Variants in DLC1 observed in about 807,000 individuals in gnomAD.
DLC1 encodes DLC1 Rho GTPase activating protein.
Under a neutral mutation model 140.3 loss-of-function variants are expected in DLC1, and 54 were observed. The observed-to-expected ratio is 0.38, with a 90% CI of 0.31 to 0.48. DLC1 has a LOEUF of 0.48. Among genes scored for constraint, DLC1 ranks in the 20% least tolerant of loss-of-function variants. The pLI is 0.96. For missense variants in DLC1, 2,536 were observed against 1,907.0 expected (o/e 1.33, Z -6.14); for synonymous variants, 986 against 728.1 (o/e 1.35, Z -5.70).
chr8:13,330,425 A>G (rs907101976), intron 4 of DLC1, among the ~76,000 whole-genome samples: 2 of 152,200 alleles, frequency 1.3e-5, no homozygotes, highest in Admixed American at 1.3e-4. Flanking sequence ...GACTGAACAC[A>G]AAGGTCTACC....
chr8:13,349,657 A>G (rs765678755), intron 4 of DLC1, among the ~76,000 whole-genome samples: 4 of 152,218 alleles, frequency 2.6e-5, no homozygotes, highest in African/African-American at 4.8e-5. Flanking sequence ...CTCACCAGGT[A>G]TATAAGGAAA....
intron 5 of DLC1, among the ~76,000 whole-genome samples, chr8:13,157,497 T>A (rs1440836383): frequency 1.3e-5 from 2 of 152,180 alleles, no homozygotes; most frequent in African/African-American, 4.8e-5. Context: ...TAATTTAGCA[T>A]TTGAAAAATA....
At chr8:13,448,451 C>T (rs778050718) in intron 2 of DLC1, among the ~76,000 whole-genome samples, 53 of 151,848 alleles carry the variant, frequency 3.5e-4, no homozygotes, top group Non-Finnish European at 6.0e-4. Context: ...GCAACCTCCA[C>T]CTCCTGGTTC....
intron 5 of DLC1, among the ~76,000 whole-genome samples, chr8:13,244,696 C>T (rs150726177): frequency 4.9e-4 from 74 of 152,216 alleles, no homozygotes; most frequent in African/African-American, 1.7e-3. Flanking sequence ...AATCTCTTCC[C>T]TACGTTTCTT....
chr8:13,361,034 C>T (rs1315193074), intron 4 of DLC1, among the ~76,000 whole-genome samples: 1 of 152,024 alleles, frequency 6.6e-6, no homozygotes, highest in African/African-American at 2.4e-5. Context: ...AGTTCAAGTC[C>T]AGCTTGGGCA....
chr8:13,363,549 G>A (rs528296551), intron 4 of DLC1, among the ~76,000 whole-genome samples: 1 of 152,150 alleles, frequency 6.6e-6, no homozygotes, highest in African/African-American at 2.4e-5. Flanking sequence ...CTATTACACA[G>A]AAGGCATGAG....
At chr8:13,103,355 TAA>T (rs1563604144) in intron 7 of DLC1, among the ~76,000 whole-genome samples, 2 of 151,036 alleles carry the variant, frequency 1.3e-5, no homozygotes, top group African/African-American at 4.9e-5. Flanking sequence ...AATAAATAAA[TAA>T]ATACCTTTAT....
intron 5 of DLC1, among the ~76,000 whole-genome samples, chr8:13,138,758 C>A (rs1822751568): frequency 6.6e-6 from 1 of 152,210 alleles, no homozygotes; most frequent in Admixed American, 6.5e-5. Context: ...TACCCCCACT[C>A]TCTACCCTAC....
chr8:13,158,775 T>TC lies in DLC1; in HGVS notation c.1349-43119dup, dbSNP rs1413194802. On this transcript the variant is annotated intron_variant, in intron 5 of 17. Coordinates refer to ENST00000276297, the MANE Select transcript of DLC1 (RefSeq NM_182643.3). ...CCGCCACACATCTCTCCTCTTTTTT[T>TC]CCTCTGTCTTATTTTTCTTTGACAC... Among the ~76,000 whole-genome samples, 10 of 125,484 alleles carry TC rather than the reference T, an allele frequency of 8.0e-5. 1 individual carries two copies. The highest frequency in any genetic ancestry group is 3.0e-4 in the African/African-American group (10 of 33,872). The allele number at this position is 125,484 out of a possible 152,430, so 82.3% of individuals were successfully genotyped here.
intron 1 of DLC1, among the ~76,000 whole-genome samples, chr8:13,597,304 C>T (rs1321606003): frequency 6.6e-6 from 1 of 152,014 alleles, no homozygotes; most frequent in Admixed American, 6.6e-5. Context: ...AGAAGAATGA[C>T]AGAAGACGTG....
intron 2 of DLC1, among the ~76,000 whole-genome samples, chr8:13,471,513 G>A (rs1304065432): frequency 1.4e-5 from 2 of 141,876 alleles, no homozygotes; most frequent in African/African-American, 2.6e-5. Context: ...AAGGAGGGAG[G>A]GAAAGGAGGG....
chr8:13,166,143 C>T (rs1377753060), intron 5 of DLC1, among the ~76,000 whole-genome samples: 1 of 152,238 alleles, frequency 6.6e-6, no homozygotes, highest in East Asian at 1.9e-4. Flanking sequence ...AGAACCCTGG[C>T]ATCTTTTTTG....
At chr8:13,299,977 G>A in intron 5 of DLC1, among the ~76,000 whole-genome samples, 1 of 152,092 alleles carries the variant, frequency 6.6e-6, no homozygotes, top group African/African-American at 2.4e-5. Context: ...AAAGATACAT[G>A]CACACATATG....
chr8:13,313,183 T>C (rs559743942), intron 4 of DLC1, among the ~76,000 whole-genome samples: 20 of 152,200 alleles, frequency 1.3e-4, no homozygotes, highest in Non-Finnish European at 2.2e-4. Context: ...CTTCCTAGTA[T>C]GCTCATTCTG....
intron 13 of DLC1, 115 bp downstream of exon 13, chr8:13,092,497 G>T: frequency 3.6e-6 from 4 of 1,123,082 alleles, no homozygotes; most frequent in Non-Finnish European, 5.1e-6. Flanking sequence ...CTAATATAGC[G>T]GTCTAACCTT....
chr8:13,590,457 G>A (rs1805481491), intron 1 of DLC1, among the ~76,000 whole-genome samples: 1 of 152,040 alleles, frequency 6.6e-6, no homozygotes, highest in South Asian at 2.1e-4. Context: ...AAAACAGCTG[G>A]TTCTTTGGAC....
intron 5 of DLC1, among the ~76,000 whole-genome samples, chr8:13,296,244 C>T (rs1432228738): frequency 6.6e-6 from 1 of 152,068 alleles, no homozygotes; most frequent in Admixed American, 6.5e-5. Flanking sequence ...TCGTGAGCCA[C>T]CATGCCCAGC....
At chr8:13,571,725 G>C (rs906636992) in intron 1 of DLC1, among the ~76,000 whole-genome samples, 1 of 152,172 alleles carries the variant, frequency 6.6e-6, no homozygotes, top group Non-Finnish European at 1.5e-5. Flanking sequence ...TCCATACTTA[G>C]AAGTAGAATT....
At chr8:13,589,413 C>T (rs1805441365) in intron 1 of DLC1, among the ~76,000 whole-genome samples, 1 of 152,062 alleles carries the variant, frequency 6.6e-6, no homozygotes, top group South Asian at 2.1e-4. Flanking sequence ...TCTAGTAGAC[C>T]TTTCTGACAG....
Sources: gnomAD v4.1 joint callset for allele counts (sites outside exome capture counted in the v4.1 genomes callset) on GRCh38, gnomAD v4.1.1 for gene constraint, MANE v1.5 for transcripts, NCBI Gene and HGNC (gene_info 2026-07-23, HGNC 2026-07-21) for gene names.